The following AOAH variants were observed in gnomAD, a reference collection of about 807,000 sequenced individuals.
AOAH encodes the protein acyloxyacyl hydrolase (neutrophil).
In AOAH, 64 loss-of-function variants were observed where a neutral mutation model predicts 92.2. The ratio of observed to expected loss-of-function variants is 0.69; its 90% confidence interval spans 0.57 to 0.86. AOAH has a LOEUF of 0.86. Ranked by LOEUF, AOAH falls within the 40% of genes least tolerant of loss-of-function variation. The probability of loss-of-function intolerance (pLI) is 0.00; values close to 1 mark genes in which losing one functional copy is unlikely to be tolerated. For synonymous variants in AOAH, 263 were observed against 254.5 expected (o/e 1.03, Z -0.32); for missense variants, 656 against 694.6 (o/e 0.94, Z 0.62).
intron 11 of AOAH, among the ~76,000 whole-genome samples, chr7:36,599,019 C>T (rs1278474799): frequency 6.6e-6 from 1 of 152,154 alleles, no homozygotes; most frequent in African/African-American, 2.4e-5. Flanking sequence ...ACTTAAAGAG[C>T]GTGAGCAACC....
intron 11 of AOAH, among the ~76,000 whole-genome samples, chr7:36,602,266 T>C (rs555343672): frequency 1.3e-5 from 2 of 152,320 alleles, no homozygotes; most frequent in African/African-American, 4.8e-5. Flanking sequence ...ATTTTTACCT[T>C]GTCAGCTCCT....
At chr7:36,517,786 A>C (rs530566887) in intron 20 of AOAH, among the ~76,000 whole-genome samples, 21 of 151,834 alleles carry the variant, frequency 1.4e-4, no homozygotes, top group African/African-American at 4.8e-4. Flanking sequence ...TTTTTAGTAG[A>C]GATGGGGTTT....
chr7:36,554,557 C>T (rs954484406), intron 13 of AOAH, among the ~76,000 whole-genome samples: 2 of 152,222 alleles, frequency 1.3e-5, no homozygotes, highest in Non-Finnish European at 2.9e-5. Flanking sequence ...GGCATTGAAT[C>T]TACAAATTGC....
chr7:36,544,603 A>C (rs1785674788), intron 15 of AOAH, among the ~76,000 whole-genome samples: 1 of 152,184 alleles, frequency 6.6e-6, no homozygotes, highest in Non-Finnish European at 1.5e-5. Context: ...CAGGGGCCAC[A>C]CTGGGGAAAA....
rs545040913 is a variant in AOAH, at chr7:36,605,613, AT to A, written c.846+10766del. Among the ~76,000 whole-genome samples the A allele has an allele frequency of 1.5e-3, 234 of 152,276 alleles. 2 individuals carry two copies. The highest frequency in any genetic ancestry group is 0.013 in the Admixed American group (201 of 15,296). On this transcript the variant is annotated intron_variant, in intron 11 of 20. Transcript: ENST00000617537. ...TTTCAGAAGTATGGAGTTTAAAATA[AT>A]TTCCTCTTGTAGTTTTCATAACAAC...
chr7:36,549,079 G>C (rs1786006320), intron 14 of AOAH, among the ~76,000 whole-genome samples: 1 of 152,146 alleles, frequency 6.6e-6, no homozygotes. Context: ...ACTTTGAAAA[G>C]GCAAAGGCTT....
intron 16 of AOAH, 132 bp from the exon 17 acceptor site, chr7:36,532,476 AT>A: frequency 1.2e-6 from 1 of 825,530 alleles, no homozygotes. Flanking sequence ...TTCATGCAGC[AT>A]TGCTCTTGAA....
At chr7:36,591,281 G>T (rs1279316175) in intron 12 of AOAH, among the ~76,000 whole-genome samples, 1 of 152,228 alleles carries the variant, frequency 6.6e-6, no homozygotes, top group African/African-American at 2.4e-5. Flanking sequence ...ACCAGCTGTG[G>T]TGTGTGCCTC....
At chr7:36,585,592 G>A (rs1789266013) in intron 12 of AOAH, among the ~76,000 whole-genome samples, 1 of 152,158 alleles carries the variant, frequency 6.6e-6, no homozygotes, top group South Asian at 2.1e-4. Flanking sequence ...ATGTCCACCT[G>A]TAGGAGAAAA....
At chr7:36,611,436 G>C (rs1021309138) in intron 11 of AOAH, among the ~76,000 whole-genome samples, 2 of 152,124 alleles carry the variant, frequency 1.3e-5, no homozygotes, top group Admixed American at 1.3e-4. Flanking sequence ...AATGCTGTTC[G>C]ACAGCACTTG....
At chr7:36,686,844 C>A (rs746215676) in intron 1 of AOAH, 50 bp from the exon 2 acceptor site, 1 of 1,265,648 alleles carries the variant, frequency 7.9e-7, no homozygotes. Context: ...GAAAACTGAA[C>A]TGGAGGGACA....
At chr7:36,545,814 C>T (rs147781097) in intron 15 of AOAH, among the ~76,000 whole-genome samples, 10 of 152,262 alleles carry the variant, frequency 6.6e-5, no homozygotes, top group Admixed American at 1.3e-4. Flanking sequence ...AGGGATGCTG[C>T]GCTGGGATGT....
chr7:36,710,978 G>A (rs1179072546), intron 1 of AOAH, among the ~76,000 whole-genome samples: 1 of 152,140 alleles, frequency 6.6e-6, no homozygotes, highest in Non-Finnish European at 1.5e-5. Context: ...GGTGCCGAGG[G>A]TGAAGCTATG....
chr7:36,630,542 C>T (rs1160082070), intron 6 of AOAH, among the ~76,000 whole-genome samples: 1 of 152,170 alleles, frequency 6.6e-6, no homozygotes, highest in East Asian at 1.9e-4. Context: ...TGGACATGGA[C>T]ACCCAGGAGT....
At chr7:36,608,744 A>G (rs957314976) in intron 11 of AOAH, among the ~76,000 whole-genome samples, 2 of 152,132 alleles carry the variant, frequency 1.3e-5, no homozygotes, top group African/African-American at 4.8e-5. Flanking sequence ...GCATGTGGCT[A>G]TCAGTAGGGT....
chr7:36,533,925 C>T (rs751419264), intron 16 of AOAH, among the ~76,000 whole-genome samples: 5 of 152,100 alleles, frequency 3.3e-5, no homozygotes, highest in African/African-American at 9.7e-5. Context: ...GCCATCTTGT[C>T]GCTATGTTGG....
intron 16 of AOAH, among the ~76,000 whole-genome samples, chr7:36,538,130 C>A (rs1460582536): frequency 6.6e-6 from 1 of 151,408 alleles, no homozygotes. Flanking sequence ...TGGGTTCAAG[C>A]GATTCTCCTG....
intron 2 of AOAH, among the ~76,000 whole-genome samples, chr7:36,676,089 T>C (rs75564802): frequency 0.019 from 2,827 of 152,240 alleles, 89 homozygotes; most frequent in African/African-American, 0.064. Context: ...GTCACTACTT[T>C]TATTCAACGT....
chr7:36,537,435 C>T (rs1018448303), intron 16 of AOAH, among the ~76,000 whole-genome samples: 9 of 151,470 alleles, frequency 5.9e-5, no homozygotes, highest in Non-Finnish European at 8.8e-5. Flanking sequence ...TTTGGGGTGC[C>T]GTCTCGTGCA....
Sources: allele counts gnomAD v4.1 joint callset (sites outside exome capture counted in the v4.1 genomes callset), GRCh38; gene constraint gnomAD v4.1.1; transcripts MANE v1.5; gene names NCBI Gene and HGNC (gene_info 2026-07-23, HGNC 2026-07-21).